Variants in LTBP1 observed in about 807,000 individuals in gnomAD.
LTBP1 encodes the protein latent-transforming growth factor beta-binding protein 1.
A neutral mutation model predicts 207.6 loss-of-function variants in LTBP1; 129 were observed. The ratio of observed to expected loss-of-function variants is 0.62; its 90% CI spans 0.54 to 0.72. The LOEUF is 0.72. Among genes scored for constraint, LTBP1 ranks in the 30% least tolerant of loss-of-function variants. LTBP1 has a pLI of 0.00. For synonymous variants in LTBP1, 963 were observed against 833.7 expected (o/e 1.16, Z -2.67); for missense variants, 2,281 against 2,217.2 (o/e 1.03, Z -0.58).
intron 5 of LTBP1, among the ~76,000 whole-genome samples, chr2:33,143,131 C>T (rs1273732564): frequency 6.6e-6 from 1 of 152,170 alleles, no homozygotes; most frequent in African/African-American, 2.4e-5. Context: ...TCTCTGTGCA[C>T]ACTGCTCTCT....
In LTBP1 at chr2:33,021,001, A is replaced by G. The variant is rs778639216; in HGVS notation, c.658A>G (p.Thr220Ala). The G allele has an allele frequency of 6.2e-7, 1 of 1,613,944 alleles. No homozygotes were observed. ...KPGTKGKACETIAAQDTSSPV... is the reference protein window; with the variant it reads ...KPGTKGKACEAIAAQDTSSPV... ...AGGGACCAAGGGCAAAGCCTGTGAA[A>G]CAATAGCTGCCCAGGACACCTCGTC... Residue 220 changes from threonine (T) to alanine (A), a missense_variant, in exon 3 of 34, where the codon ACA becomes GCA. Thr to Ala is a moderately conservative substitution (Grantham distance 58, BLOSUM62 0). Transcript: ENST00000404816.
At chr2:33,378,776 C>A (rs1200919196) in intron 31 of LTBP1, among the ~76,000 whole-genome samples, 2 of 152,286 alleles carry the variant, frequency 1.3e-5, no homozygotes, top group East Asian at 1.9e-4. Flanking sequence ...TGCTGACTGC[C>A]CATGTCTGTT....
intron 6 of LTBP1, among the ~76,000 whole-genome samples, chr2:33,188,149 G>A (rs1012813047): frequency 3.9e-4 from 60 of 152,184 alleles, no homozygotes; most frequent in African/African-American, 1.4e-3. Context: ...GGCTGGGCAC[G>A]GTGGCTCACG....
chr2:33,238,738 C>G (rs1407769611), intron 9 of LTBP1, among the ~76,000 whole-genome samples: 1 of 152,190 alleles, frequency 6.6e-6, no homozygotes, highest in South Asian at 2.1e-4. Flanking sequence ...GAAATTATCT[C>G]TGTAAAATGG....
intron 11 of LTBP1, among the ~76,000 whole-genome samples, chr2:33,256,764 A>C (rs1211020381): frequency 1.5e-5 from 1 of 64,628 alleles, no homozygotes; most frequent in African/African-American, 5.1e-5. Context: ...ATATATATAT[A>C]TATATATATA....
At chr2:33,300,293 C>T (rs765241086) in intron 20 of LTBP1, among the ~76,000 whole-genome samples, 158 bp from the exon 21 acceptor site, 1 of 152,130 alleles carries the variant, frequency 6.6e-6, no homozygotes, top group Middle Eastern at 3.2e-3. Context: ...GAGGTTGATA[C>T]AACAGCATGG....
chr2:33,221,119 C>T (rs186913039), intron 8 of LTBP1, among the ~76,000 whole-genome samples: 7 of 152,204 alleles, frequency 4.6e-5, no homozygotes, highest in Non-Finnish European at 5.9e-5. Context: ...TGCACAGTAG[C>T]CTCTTAATAG....
At chr2:33,019,768 G>A (rs995534246) in intron 2 of LTBP1, among the ~76,000 whole-genome samples, 1 of 152,014 alleles carries the variant, frequency 6.6e-6, no homozygotes, top group African/African-American at 2.4e-5. Flanking sequence ...GCTTAGGCTG[G>A]AGTGTAGTGC....
At chr2:33,232,302 T>A (rs1404078570) in intron 9 of LTBP1, among the ~76,000 whole-genome samples, 1 of 152,150 alleles carries the variant, frequency 6.6e-6, no homozygotes, top group Non-Finnish European at 1.5e-5. Flanking sequence ...GAAGCATACA[T>A]GAAGTCAGAG....
intron 19 of LTBP1, among the ~76,000 whole-genome samples, chr2:33,282,943 AT>A (rs1375229511): frequency 6.6e-6 from 1 of 151,876 alleles, no homozygotes; most frequent in African/African-American, 2.4e-5. Flanking sequence ...CGCGCCTATA[AT>A]CCCAGCCACC....
intron 7 of LTBP1, among the ~76,000 whole-genome samples, chr2:33,210,445 C>T (rs938880788): frequency 6.6e-6 from 1 of 152,030 alleles, no homozygotes; most frequent in African/African-American, 2.4e-5. Flanking sequence ...AACACTTTAC[C>T]TTTATAAAAA....
chr2:33,070,378 G>C (rs2077728637), intron 3 of LTBP1, among the ~76,000 whole-genome samples: 1 of 152,216 alleles, frequency 6.6e-6, no homozygotes, highest in Admixed American at 6.5e-5. Flanking sequence ...GTCTGGGATG[G>C]CGAAACCTCT....
intron 4 of LTBP1, among the ~76,000 whole-genome samples, chr2:33,116,216 T>TA (rs1234269961): frequency 6.6e-6 from 1 of 152,252 alleles, no homozygotes; most frequent in Non-Finnish European, 1.5e-5. Flanking sequence ...CTTTTTCTAC[T>TA]ACATAACTTT....
chr2:33,076,354 G>A (rs1467210780), intron 3 of LTBP1, among the ~76,000 whole-genome samples: 2 of 152,126 alleles, frequency 1.3e-5, no homozygotes, highest in Non-Finnish European at 2.9e-5. Context: ...AAGAAGAGAA[G>A]AGAGGAAGGA....
At chr2:33,156,401 G>A (rs1279553550) in intron 5 of LTBP1, among the ~76,000 whole-genome samples, 4 of 152,216 alleles carry the variant, frequency 2.6e-5, no homozygotes, top group Non-Finnish European at 1.5e-5. Context: ...GGACAGATCC[G>A]CAGAGTACTT....
intron 22 of LTBP1, among the ~76,000 whole-genome samples, chr2:33,304,426 C>T (rs1007590692): frequency 2.0e-5 from 3 of 152,192 alleles, no homozygotes; most frequent in East Asian, 1.9e-4. Context: ...TATGTTTACA[C>T]GTGTAATTTT....
At chr2:33,089,168 A>G (rs1391855258) in intron 3 of LTBP1, among the ~76,000 whole-genome samples, 1 of 151,380 alleles carries the variant, frequency 6.6e-6, no homozygotes, top group South Asian at 2.1e-4. Context: ...AAAAAAAAAA[A>G]AAAAGAAAAA....
rs138299231 is a variant in LTBP1 at position 33,252,696 on chromosome 2, G to A, written c.2019G>A (p.Ser673=). The A allele has an allele frequency of 4.5e-5, 73 of 1,612,216 alleles. No individual in the cohort carries two copies. Among genetic ancestry groups the A allele is most frequent in the Admixed American group, 1.5e-4 (9 of 59,960 alleles). The change falls in exon 11 of 34, where the codon TCG becomes TCA. Residue 673 remains serine (S), a synonymous_variant. Transcript: ENST00000404816. The part of the protein sequence containing the change: ...SSCVPDPPVI[S]EEKGPCYRLV... ...CTTCAGCTGATCCCCCTGTGATCTC[G>A]GAAGAGAAAGGGCCCTGTTACCGAC...
intron 2 of LTBP1, among the ~76,000 whole-genome samples, chr2:32,958,473 A>T (rs535423934): frequency 1.1e-4 from 17 of 152,198 alleles, no homozygotes; most frequent in African/African-American, 3.9e-4. Context: ...AAGCACTCTG[A>T]TTTCACTCTT....
Sources: gnomAD v4.1 joint callset for allele counts (sites outside exome capture counted in the v4.1 genomes callset) on GRCh38, gnomAD v4.1.1 for gene constraint, MANE v1.5 for transcripts, NCBI Gene and HGNC (gene_info 2026-07-23, HGNC 2026-07-21) for gene names.